DACT2: variants seen among roughly 807,000 people sequenced by gnomAD.
DACT2 encodes dishevelled binding antagonist of beta catenin 2.
A neutral mutation model predicts 22.2 loss-of-function variants in DACT2; 20 were observed. That is an observed-to-expected ratio of 0.90 (90% CI 0.63 to 1.31). The LOEUF (loss-of-function observed/expected upper bound fraction) is 1.31. Ranked by LOEUF, DACT2 falls within the 50% of genes most tolerant of loss-of-function variation. The pLI, the probability that DACT2 is intolerant of heterozygous loss-of-function variation, is 0.00. For missense variants in DACT2, 1,048 were observed against 1,061.4 expected (o/e 0.99, Z 0.18); for synonymous variants, 463 against 479.8 (o/e 0.96, Z 0.46).
downstream of DACT2, among the ~76,000 whole-genome samples, chr6:168,305,415 G>T (rs1779184414): frequency 6.6e-6 from 1 of 152,172 alleles, no homozygotes; most frequent in Non-Finnish European, 1.5e-5. Context: ...CTCCTTATGG[G>T]CTGATTCCCT....
chr6:168,295,226 T>C (rs1042899139), intron 3 of DACT2, among the ~76,000 whole-genome samples: 6 of 152,240 alleles, frequency 3.9e-5, no homozygotes, highest in African/African-American at 1.2e-4. Flanking sequence ...TAGCCCACTT[T>C]TCCGCAGATA....
intron 1 of DACT2, among the ~76,000 whole-genome samples, chr6:168,312,541 G>C (rs925546030): frequency 1.3e-5 from 2 of 152,206 alleles, no homozygotes; most frequent in Admixed American, 1.3e-4. Flanking sequence ...GAGAGGCTGC[G>C]CCTTCTCCTG....
downstream of DACT2, among the ~76,000 whole-genome samples, chr6:168,304,899 A>G (rs1779174503): frequency 6.6e-6 from 1 of 152,174 alleles, no homozygotes; most frequent in South Asian, 2.1e-4. Context: ...AGGGCTAGGG[A>G]ACCCTCCGAG....
rs1209745778 is a variant in DACT2, at chr6:168,308,960, G to A, written c.797C>T (p.Ser266Phe). 1 of 1,549,584 alleles carries A rather than the reference G, an allele frequency of 6.5e-7. No individual in the cohort carries two copies. The highest frequency in any genetic ancestry group is 2.4e-5 in the East Asian group (1 of 40,902). Residue 266 changes from serine (S) to phenylalanine (F), a missense_variant, in exon 4 of 4, where the codon TCC (serine) becomes TTC (phenylalanine). Transcript: ENST00000366795. ...PDPKYRQDLV[S>F]QGGREVYPYP... ...CGGGTACACCTCCCTGCCGCCCTGG[G>A]ACACCAGGTCCTGCCGATACTTGGG...
At chr6:168,318,802 A>G (rs957361778) in intron 1 of DACT2, among the ~76,000 whole-genome samples, 9 of 152,134 alleles carry the variant, frequency 5.9e-5, no homozygotes, top group Non-Finnish European at 1.3e-4. Context: ...CTTACAGGTC[A>G]GGTCACATTT....
At chr6:168,313,778 T>C (rs1341091574) in intron 1 of DACT2, among the ~76,000 whole-genome samples, 3 of 152,142 alleles carry the variant, frequency 2.0e-5, no homozygotes, top group Admixed American at 6.5e-5. Context: ...CCAGCCAGCT[T>C]TGTCCTCCTC....
At chr6:168,298,962 A>C (rs1779054121) in intron 3 of DACT2, 1 of 152,162 alleles carries the variant, frequency 6.6e-6, no homozygotes. Flanking sequence ...GTACTTTGTA[A>C]ATACTAATTA....
intron 1 of DACT2, among the ~76,000 whole-genome samples, chr6:168,312,355 C>T (rs4708717): frequency 0.21 from 32,035 of 151,996 alleles, 3,391 homozygotes; most frequent in South Asian, 0.27. Flanking sequence ...CACCATCACG[C>T]CCTGCTAATT....
chr6:168,311,494 C>T (rs538025050), intron 1 of DACT2, among the ~76,000 whole-genome samples: 2 of 149,112 alleles, frequency 1.3e-5, no homozygotes, highest in South Asian at 2.1e-4. Flanking sequence ...TGACACCCAT[C>T]GCCCCCCACA....
downstream of DACT2, among the ~76,000 whole-genome samples, chr6:168,303,525 C>T (rs1230676075): frequency 4.6e-5 from 7 of 152,184 alleles, no homozygotes; most frequent in Non-Finnish European, 7.3e-5. Context: ...TACACACGCC[C>T]GGTCCCCTTC....
At chr6:168,304,561 G>A (rs1459967093), downstream of DACT2, among the ~76,000 whole-genome samples, 2 of 152,250 alleles carry the variant, frequency 1.3e-5, no homozygotes, top group Non-Finnish European at 2.9e-5. Flanking sequence ...GGTGGTGCCT[G>A]GGCGATGTTT....
chr6:168,315,596 A>G (rs1779522295), intron 1 of DACT2, among the ~76,000 whole-genome samples: 1 of 152,216 alleles, frequency 6.6e-6, no homozygotes, highest in Non-Finnish European at 1.5e-5. Context: ...AATCCTACTA[A>G]GCACCCTCTA....
rs1329155849 is a variant in DACT2 at position 168,307,540 on chromosome 6, T to C, written c.2217A>G (p.Pro739=). The C allele has an allele frequency of 6.4e-7, 1 of 1,551,144 alleles. No homozygotes were observed. Among genetic ancestry groups the C allele is most frequent in the South Asian group, 1.2e-5 (1 of 84,038 alleles). The change falls in exon 4 of 4, where the codon CCA becomes CCG. Residue 739 remains proline, a synonymous_variant. Transcript: ENST00000366795. This position sits in a 1 kb window ranked among gnomAD's most constrained non-coding sequence, Gnocchi z 5.3. ...WTQEAPVSSG[P]LLSPVPKLCR... is the part of the protein sequence containing the mutation. ...ACAGCTTGGGCACGGGGGACAGGAG[T>C]GGCCCCGAGCTGACCGGGGCCTCCT...
Position 168,307,891 on chromosome 6 carries a change from G to A in DACT2, c.1866C>T (p.Ala622=). 1 of 1,501,522 alleles carries A rather than the reference G, an allele frequency of 6.7e-7. No individual in the cohort carries two copies. Among genetic ancestry groups the A allele is most frequent in the South Asian group, 1.2e-5 (1 of 82,252 alleles). The allele number at this position is 1,501,522 out of a possible 1,614,324, so 93.0% of individuals were successfully genotyped here. ...TVEISARARL[A]SCPESNLGPP... ...GCCCCAGGTTAGACTCAGGACAGCTGGCCAGGCGGGCCCGGGCCGAGATCT... is the reference window on the plus strand; with the variant it reads ...GCCCCAGGTTAGACTCAGGACAGCTAGCCAGGCGGGCCCGGGCCGAGATCT... Residue 622 remains alanine (A), a synonymous_variant, in exon 4 of 4, where the codon GCC becomes GCT. Transcript: ENST00000366795. The surrounding 1 kb of genome is among the most constrained non-coding windows in gnomAD (Gnocchi z 5.3).
At chr6:168,306,840 T>C, downstream of DACT2, 2 of 965,742 alleles carry the variant, frequency 2.1e-6, no homozygotes, top group Non-Finnish European at 2.5e-6. Flanking sequence ...TGCCCTGTGA[T>C]GGGCAGGCAT....
rs1215071168 is a variant in DACT2, at chr6:168,307,163, T to A, written c.*269A>T. On this transcript the variant is annotated 3_prime_UTR_variant, in exon 4 of 4. Transcript: ENST00000366795. This position sits in a 1 kb window ranked among gnomAD's most constrained non-coding sequence, Gnocchi z 5.3. ...ACAAGGTGCATGCCGGGAAGCAGCA[T>A]CCTGGGCAGACCTTGAAAAGAGACA... 4.6e-6 allele frequency: 6 copies of A among 1,311,650 alleles called. No homozygotes were observed. In the African/African-American group the frequency reaches 9.1e-5, roughly 20 times the overall value. 81.3% of individuals were successfully genotyped at this position (1,311,650 alleles called of 1,614,324 possible).
At chr6:168,294,895 C>A (rs1038088084) in intron 3 of DACT2, among the ~76,000 whole-genome samples, 4 of 152,144 alleles carry the variant, frequency 2.6e-5, no homozygotes, top group African/African-American at 9.7e-5. Flanking sequence ...CTTTGAATGA[C>A]ATTAAATAGC....
At chr6:168,319,073 A>G (rs1215509466) in intron 1 of DACT2, among the ~76,000 whole-genome samples, 1 of 152,082 alleles carries the variant, frequency 6.6e-6, no homozygotes, top group East Asian at 1.9e-4. Flanking sequence ...CCTGTAACGA[A>G]CAGGGTGTCT....
chr6:168,311,615 A>C (rs28465140), intron 1 of DACT2, among the ~76,000 whole-genome samples: 669 of 47,136 alleles, frequency 0.014, 3 homozygotes, highest in East Asian at 0.025. Context: ...CACTCACACA[A>C]ACACACACAC....
Sources: allele counts gnomAD v4.1 joint callset (sites outside exome capture counted in the v4.1 genomes callset), GRCh38; gene constraint gnomAD v4.1.1; non-coding constraint Gnocchi (gnomAD v3.1); transcripts MANE v1.5; gene names NCBI Gene and HGNC (gene_info 2026-07-23, HGNC 2026-07-21).